DHRSX: variants seen among roughly 807,000 people sequenced by gnomAD.
DHRSX encodes polyprenol dehydrogenase.
A neutral mutation model predicts 34.0 loss-of-function variants in DHRSX; 31 were observed. The ratio of observed to expected loss-of-function variants is 0.91; its 90% confidence interval spans 0.69 to 1.23. The LOEUF (loss-of-function observed/expected upper bound fraction) is 1.23, where lower values mean the gene tolerates loss of function less well. Among genes scored for constraint, DHRSX ranks in the 50% most tolerant of loss-of-function variants. The pLI, the probability that DHRSX is intolerant of heterozygous loss-of-function variation, is 0.00. For missense variants in DHRSX, 414 were observed against 428.1 expected (o/e 0.97, Z 0.29); for synonymous variants, 201 against 183.8 (o/e 1.09, Z -0.76).
chrX:2,355,944 T>TA (rs1293795583), intron 3 of DHRSX, among the ~76,000 whole-genome samples: 1 of 151,222 alleles, frequency 6.6e-6, no homozygotes, highest in African/African-American at 2.4e-5. Flanking sequence ...CAGGTATATG[T>TA]AGTTCCAGCT....
chrX:2,263,938 A>G (rs768134402), intron 5 of DHRSX, among the ~76,000 whole-genome samples: 2 of 152,342 alleles, frequency 1.3e-5, no homozygotes, highest in East Asian at 3.9e-4. Flanking sequence ...CAGACAGTAC[A>G]TTGCGTGTCG....
rs2016184691 is a variant in DHRSX at position 2,243,246 on chromosome X, GAGA to G, written c.597-19_597-17del. 5 of 1,596,740 alleles carry G rather than the reference GAGA, an allele frequency of 3.1e-6. No homozygotes were observed. Among genetic ancestry groups the G allele is most frequent in the Admixed American group, 1.7e-5 (1 of 59,090 alleles). On this transcript the variant is annotated splice_polypyrimidine_tract_variant and intron_variant, in intron 5 of 6. Transcript: ENST00000334651. ...GTAGCAGGCACTGTGGGGCAAGCAGGAGAAGGTGTAAGAGGCTGACGGCGTTCA... is the reference window on the plus strand; with the variant it reads ...GTAGCAGGCACTGTGGGGCAAGCAGGAGGTGTAAGAGGCTGACGGCGTTCA...
chrX:2,392,978 GTTACAAAATATATATACA>G (rs2043353617), intron 3 of DHRSX, among the ~76,000 whole-genome samples: 2 of 142,774 alleles, frequency 1.4e-5, no homozygotes, highest in Admixed American at 7.2e-5. Context: ...ACAAATATAT[GTTACAAAATATATATACA>G]TTACAAAATG....
rs2044661638 is a variant in DHRSX at position 2,475,306 on chromosome X, GCCA to G, written c.109+25508_109+25510del. ...TCCCTAAGCATGTGGCTAAGGGACT[GCCA>G]CCAAGAACACAATGAAGACGTTCCC... On this transcript the variant is annotated intron_variant, in intron 1 of 6. Coordinates refer to ENST00000334651, the MANE Select transcript of DHRSX (RefSeq NM_145177.3). Among the ~76,000 whole-genome samples, 2 of 151,790 alleles carry G rather than the reference GCCA, an allele frequency of 1.3e-5. 1 individual carries two copies. The highest frequency in any genetic ancestry group is 4.2e-4 in the South Asian group (2 of 4,816).
At chrX:2,232,068 C>G (rs1261478986) in intron 6 of DHRSX, among the ~76,000 whole-genome samples, 3 of 149,864 alleles carry the variant, frequency 2.0e-5, no homozygotes, top group Non-Finnish European at 3.0e-5. Flanking sequence ...TGTCTTCCTC[C>G]TTTTATTTTT....
chrX:2,377,066 T>C (rs1694488841), intron 3 of DHRSX, among the ~76,000 whole-genome samples: 1 of 151,230 alleles, frequency 6.6e-6, no homozygotes. Flanking sequence ...AGGCAGATAC[T>C]GTATTGATGC....
At chrX:2,322,038 G>T (rs1178530440) in intron 3 of DHRSX, among the ~76,000 whole-genome samples, 1 of 151,826 alleles carries the variant, frequency 6.6e-6, no homozygotes, top group Non-Finnish European at 1.5e-5. Context: ...AAGTTCTTTA[G>T]TGGTGATCTG....
intron 2 of DHRSX, among the ~76,000 whole-genome samples, chrX:2,419,196 C>T (rs1332061361): frequency 6.6e-5 from 10 of 152,026 alleles, no homozygotes; most frequent in East Asian, 3.9e-4. Flanking sequence ...GATTAGGTCA[C>T]GAGGGTGGAG....
chrX:2,392,374 G>A, intron 3 of DHRSX: 1 of 237,900 alleles, frequency 4.2e-6, no homozygotes, highest in South Asian at 4.8e-5. Flanking sequence ...GGAAATGATG[G>A]TGCACGCCTG....
intron 3 of DHRSX, among the ~76,000 whole-genome samples, chrX:2,297,710 C>G (rs73628281): frequency 0.067 from 10,157 of 151,308 alleles, 510 homozygotes; most frequent in African/African-American, 0.14. Flanking sequence ...TACTGCTGCC[C>G]AAAATGCTAG....
At chrX:2,490,036 C>A (rs973716430) in intron 1 of DHRSX, 2 of 1,613,684 alleles carry the variant, frequency 1.2e-6, no homozygotes, top group Non-Finnish European at 1.7e-6. Flanking sequence ...AGCGGGAGCC[C>A]ATGGACAGGC....
intron 3 of DHRSX, among the ~76,000 whole-genome samples, chrX:2,330,945 G>T (rs1199337436): frequency 6.6e-6 from 1 of 152,090 alleles, no homozygotes. Context: ...GATGAAGGAG[G>T]AGCAGGAAGA....
At chrX:2,325,988 T>C (rs2042381563) in intron 3 of DHRSX, among the ~76,000 whole-genome samples, 1 of 152,174 alleles carries the variant, frequency 6.6e-6, no homozygotes, top group African/African-American at 2.4e-5. Flanking sequence ...GTAGAGAGCT[T>C]GCGCATTTTA....
At chrX:2,426,303 G>T (rs909886910) in intron 1 of DHRSX, among the ~76,000 whole-genome samples, 1 of 152,070 alleles carries the variant, frequency 6.6e-6, no homozygotes, top group African/African-American at 2.4e-5. Context: ...TTTTGAGGGA[G>T]ATTTGTATTT....
intron 3 of DHRSX, among the ~76,000 whole-genome samples, chrX:2,302,437 C>A (rs2042023583): frequency 6.6e-6 from 1 of 152,166 alleles, no homozygotes; most frequent in Admixed American, 6.5e-5. Flanking sequence ...CACGGTGAAA[C>A]TGCATCTCTA....
intron 3 of DHRSX, among the ~76,000 whole-genome samples, chrX:2,347,656 G>C (rs778895479): frequency 6.6e-6 from 1 of 152,074 alleles, no homozygotes; most frequent in Non-Finnish European, 1.5e-5. Context: ...ATCATGCCAC[G>C]GCACTCCAGC....
intron 3 of DHRSX, among the ~76,000 whole-genome samples, chrX:2,312,072 T>C (rs998889241): frequency 5.3e-5 from 8 of 152,120 alleles, no homozygotes; most frequent in Non-Finnish European, 1.2e-4. Flanking sequence ...CACTGTAAGC[T>C]GTGATAGTAT....
chrX:2,473,000 G>A (rs930088729), intron 1 of DHRSX, among the ~76,000 whole-genome samples: 78 of 151,940 alleles, frequency 5.1e-4, no homozygotes, highest in African/African-American at 1.4e-3. Flanking sequence ...ACCTGGCTCC[G>A]TCACTGATCA....
intron 3 of DHRSX, among the ~76,000 whole-genome samples, chrX:2,292,546 C>G (rs2041879230): frequency 1.3e-5 from 2 of 151,918 alleles, no homozygotes; most frequent in African/African-American, 2.4e-5. Flanking sequence ...GACTCAGAAG[C>G]AAGGACTTCC....
Sources: allele counts gnomAD v4.1 joint callset (sites outside exome capture counted in the v4.1 genomes callset), GRCh38; gene constraint gnomAD v4.1.1; transcripts MANE v1.5; gene names NCBI Gene and HGNC (gene_info 2026-07-23, HGNC 2026-07-21).